Variants in AJAP1 observed in about 807,000 individuals in gnomAD.
AJAP1 encodes the protein adherens junctions associated protein 1.
A neutral mutation model predicts 35.0 loss-of-function variants in AJAP1; 5 were observed. That is an observed-to-expected ratio of 0.14 (90% CI 0.07 to 0.30). The LOEUF (loss-of-function observed/expected upper bound fraction) is 0.30. Ranked by LOEUF, AJAP1 falls within the 10% of genes least tolerant of loss-of-function variation. The pLI, the probability that AJAP1 is intolerant of heterozygous loss-of-function variation, is 1.00. For missense variants in AJAP1, 586 were observed against 571.0 expected, an observed-to-expected ratio of 1.03 and a Z score of -0.27; for synonymous variants, 284 against 249.3, an observed-to-expected ratio of 1.14 and a Z score of -1.31.
intron 2 of AJAP1, among the ~76,000 whole-genome samples, chr1:4,760,365 A>ATG (rs551752463): frequency 6.6e-6 from 1 of 151,638 alleles, no homozygotes; most frequent in Non-Finnish European, 1.5e-5. Flanking sequence ...GTGTGTGTGC[A>ATG]TGTGTGTGTA....
intron 1 of AJAP1, among the ~76,000 whole-genome samples, chr1:4,663,523 G>A (rs1046660343): frequency 2.0e-5 from 3 of 152,226 alleles, no homozygotes; most frequent in Non-Finnish European, 4.4e-5. Flanking sequence ...CCATCCTGGG[G>A]TAGATGACAG....
chr1:4,696,590 G>C (rs1053611581), intron 1 of AJAP1, among the ~76,000 whole-genome samples: 3 of 152,204 alleles, frequency 2.0e-5, no homozygotes, highest in African/African-American at 4.8e-5. Flanking sequence ...GCTTATGCCC[G>C]GGGGGTGGCC....
rs1328291020 is a variant in AJAP1 at position 4,788,901 on chromosome 1, T to C, written c.*6416T>C. On this transcript the variant is annotated 3_prime_UTR_variant, in exon 6 of 6. Coordinates refer to ENST00000378191, the MANE Select transcript of AJAP1 (RefSeq NM_018836.4). ...TGTAAACGCACAGCCCATGCCCCAT[T>C]GTAAAGGTGACTGAAGAGAATGGTC... 6.6e-6 allele frequency: 1 copy of C among 152,076 alleles called. No individual in the cohort carries two copies. Among genetic ancestry groups the C allele is most frequent in the Non-Finnish European group, 1.5e-5 (1 of 68,004 alleles). 9.4% of individuals were successfully genotyped at this position (152,076 alleles called of 1,614,324 possible). A position where few individuals can be genotyped will look rare whatever the true frequency, so the allele number is the denominator to read the frequency against.
chr1:4,715,681 T>C (rs115746909), intron 2 of AJAP1, among the ~76,000 whole-genome samples: 1,692 of 152,080 alleles, frequency 0.011, 40 homozygotes, highest in African/African-American at 0.038. Context: ...GTGAAACTTA[T>C]TTCAAAAAAA....
At chr1:4,691,805 C>G (rs1039007884) in intron 1 of AJAP1, among the ~76,000 whole-genome samples, 1 of 152,090 alleles carries the variant, frequency 6.6e-6, no homozygotes, top group African/African-American at 2.4e-5. Context: ...GGGGGACAAG[C>G]GCTCAGAGGG....
chr1:4,729,935 C>A (rs1187212200), intron 2 of AJAP1, among the ~76,000 whole-genome samples: 1 of 152,186 alleles, frequency 6.6e-6, no homozygotes, highest in Non-Finnish European at 1.5e-5. Context: ...ACGTTAGCAT[C>A]TTTTGGAGGA....
At chr1:4,757,091 C>T (rs1177152574) in intron 2 of AJAP1, among the ~76,000 whole-genome samples, 3 of 152,158 alleles carry the variant, frequency 2.0e-5, no homozygotes, top group Non-Finnish European at 1.5e-5. Context: ...GGAGCCCGAG[C>T]GAGGCTGGGA....
At chr1:4,780,327 T>C (rs1397948931) in intron 5 of AJAP1, among the ~76,000 whole-genome samples, 2 of 151,764 alleles carry the variant, frequency 1.3e-5, no homozygotes, top group African/African-American at 4.8e-5. Context: ...GGCCCCCAAT[T>C]CTACTCTTCG....
chr1:4,702,942 G>A (rs947166691), intron 1 of AJAP1, among the ~76,000 whole-genome samples: 10 of 152,282 alleles, frequency 6.6e-5, no homozygotes, highest in Admixed American at 3.9e-4. Context: ...CAGAGATTCC[G>A]CGATGGGATT....
In AJAP1 at chr1:4,693,700, C is replaced by A. The variant is rs114154985; in HGVS notation, c.30-18200C>A. ...GATTTATTTCTCACAGTTCTGGAGGCTGGGGCACCCAAGGTCAAGGGGCCC... is the reference window on the plus strand; with the variant it reads ...GATTTATTTCTCACAGTTCTGGAGGATGGGGCACCCAAGGTCAAGGGGCCC... On this transcript the variant is annotated intron_variant, in intron 1 of 5. Coordinates refer to ENST00000378191, the MANE Select transcript of AJAP1 (RefSeq NM_018836.4). This position sits in a 1 kb window ranked among gnomAD's most constrained non-coding sequence, Gnocchi z 4.4. 5.9e-3 allele frequency among the ~76,000 whole-genome samples: 899 copies of A among 152,318 alleles called. 5 individuals carry two copies. Among genetic ancestry groups the A allele is most frequent in the African/African-American group, 0.02 (851 of 41,562 alleles).
At chr1:4,745,627 G>A (rs1370843477) in intron 2 of AJAP1, among the ~76,000 whole-genome samples, 1 of 152,194 alleles carries the variant, frequency 6.6e-6, no homozygotes. Context: ...TGCACACCTT[G>A]GGACTGCCAG....
At position 4,712,459 on chromosome 1, in the gene AJAP1, T is replaced by C. The variant is rs1350552543; in HGVS notation, c.589T>C (p.Phe197Leu). 2 of 1,610,532 alleles carry C rather than the reference T, an allele frequency of 1.2e-6. No individual in the cohort carries two copies. The highest frequency in any genetic ancestry group is 1.7e-5 in the Admixed American group (1 of 59,542). Residue 197 changes from phenylalanine (F) to leucine (L), a missense_variant, in exon 2 of 6, where the codon TTT becomes CTT. Transcript: ENST00000378191. Reference sequence around the variant, plus strand: ...CGAGGAGGCCCTGGAGTCCAACACATTTCCGGGCGTTTACGGCCCCACCAC... The same window carrying C: ...CGAGGAGGCCCTGGAGTCCAACACACTTCCGGGCGTTTACGGCCCCACCAC... The part of the protein sequence containing the change: ...GDEEALESNT[F>L]PGVYGPTTVS...
At chr1:4,712,837 C>T in intron 2 of AJAP1, 138 bp downstream of exon 2, 1 of 878,842 alleles carries the variant, frequency 1.1e-6, no homozygotes, top group Non-Finnish European at 1.6e-6. Context: ...TGTCCATGAG[C>T]TTGCACATGC....
chr1:4,705,438 C>T lies in AJAP1; in HGVS notation c.30-6462C>T, dbSNP rs1418229289. On this transcript the variant is annotated intron_variant, in intron 1 of 5. Transcript: ENST00000378191. ...TTTTTTTTTTTTTTTTTAATGAGTA[C>T]TCCTCCCCCTCCAAGAATGTGCATT... is the stretch of plus-strand genomic sequence containing the variant. Among the ~76,000 whole-genome samples, 7 of 99,834 alleles carry T rather than the reference C, an allele frequency of 7.0e-5. No individual in the cohort carries two copies. The Admixed American group carries it at 1.0e-3, about 15-fold the overall frequency. 65.5% of individuals were successfully genotyped at this position (99,834 alleles called of 152,430 possible). A position where few individuals can be genotyped will look rare whatever the true frequency, so the allele number is the denominator to read the frequency against.
chr1:4,681,188 T>G (rs1639473290), intron 1 of AJAP1, among the ~76,000 whole-genome samples: 1 of 152,214 alleles, frequency 6.6e-6, no homozygotes, highest in Non-Finnish European at 1.5e-5. Context: ...TTTGATGAAA[T>G]GCCCCACTGT....
intron 3 of AJAP1, among the ~76,000 whole-genome samples, 177 bp from the exon 4 acceptor site, chr1:4,772,103 A>AAG (rs1641848503): frequency 6.6e-6 from 1 of 151,376 alleles, no homozygotes; most frequent in Non-Finnish European, 1.5e-5. Flanking sequence ...TTTAAAAAAA[A>AAG]AGAGTTGATT....
intron 1 of AJAP1, among the ~76,000 whole-genome samples, chr1:4,687,818 CTCAT>C (rs1260781400): frequency 6.6e-6 from 1 of 152,202 alleles, no homozygotes; most frequent in East Asian, 1.9e-4. Context: ...CATCCATTCA[CTCAT>C]TCATTCATTC....
At chr1:4,707,366 C>G (rs1248478609) in intron 1 of AJAP1, among the ~76,000 whole-genome samples, 1 of 152,176 alleles carries the variant, frequency 6.6e-6, no homozygotes, top group Non-Finnish European at 1.5e-5. Context: ...CAGCTACCCC[C>G]ACACACAATT....
At chr1:4,662,770 C>T (rs1420735964) in intron 1 of AJAP1, among the ~76,000 whole-genome samples, 1 of 152,244 alleles carries the variant, frequency 6.6e-6, no homozygotes, top group Non-Finnish European at 1.5e-5. Context: ...TTGATTCGAA[C>T]ATTTCGCATT....
Sources: allele counts gnomAD v4.1 joint callset (sites outside exome capture counted in the v4.1 genomes callset), GRCh38; gene constraint gnomAD v4.1.1; non-coding constraint Gnocchi (gnomAD v3.1); transcripts MANE v1.5; gene names NCBI Gene and HGNC (gene_info 2026-07-23, HGNC 2026-07-21).